Variants in IL7 observed in about 807,000 individuals in gnomAD.
IL7 encodes interleukin 7.
IL7 carries 3 observed loss-of-function variants against 21.6 expected under a neutral mutation model. The observed-to-expected ratio is 0.14, with a 90% CI of 0.06 to 0.36. The LOEUF (loss-of-function observed/expected upper bound fraction) is 0.36. Among genes scored for constraint, IL7 ranks in the 10% least tolerant of loss-of-function variants. The pLI, the probability that IL7 is intolerant of heterozygous loss-of-function variation, is 1.00. For synonymous variants in IL7, 62 were observed against 68.1 expected (o/e 0.91, Z 0.44); for missense variants, 175 against 200.2 (o/e 0.87, Z 0.76).
In IL7 at chr8:78,740,050, C is replaced by T; in HGVS notation, c.180G>A (p.Leu60=). Residue 60 remains leucine (L), a synonymous_variant, in exon 3 of 6, where the codon CTG becomes CTA. Coordinates refer to ENST00000263851, the MANE Select transcript of IL7 (RefSeq NM_000880.4). ...DSMKEIGSNC[L]NNEFNFFKRH... is the part of the protein sequence containing the mutation. ...TTTTAAAAAAGTTAAATTCATTATTCAGGCAATTGCTACCAATTTCTTTCA... is the reference window on the plus strand; with the variant it reads ...TTTTAAAAAAGTTAAATTCATTATTTAGGCAATTGCTACCAATTTCTTTCA... 2 of 1,536,628 alleles carry T rather than the reference C, an allele frequency of 1.3e-6. No homozygotes were observed. Among genetic ancestry groups the T allele is most frequent in the Non-Finnish European group, 8.7e-7 (1 of 1,144,984 alleles).
At chr8:78,676,495 T>G (rs1809583767) in intron 4 of IL7, among the ~76,000 whole-genome samples, 1 of 152,048 alleles carries the variant, frequency 6.6e-6, no homozygotes, top group African/African-American at 2.4e-5. Flanking sequence ...ATAAAAATTA[T>G]GCCTATGTAC....
chr8:78,744,141 C>T (rs747656027), intron 2 of IL7, among the ~76,000 whole-genome samples: 4 of 152,032 alleles, frequency 2.6e-5, no homozygotes, highest in East Asian at 1.9e-4. Context: ...AACGCTTCAC[C>T]GCCTGTTGGC....
intron 3 of IL7, among the ~76,000 whole-genome samples, chr8:78,704,458 A>C (rs774010598): frequency 1.1e-4 from 16 of 150,906 alleles, no homozygotes; most frequent in Non-Finnish European, 2.1e-4. Context: ...GTTTCCACTG[A>C]GAGGTCTGCT....
intron 2 of IL7, chr8:78,761,600 A>G: frequency 1.9e-6 from 3 of 1,611,960 alleles, no homozygotes; most frequent in Middle Eastern, 4.5e-4. Flanking sequence ...CAACACAGGT[A>G]GGTGCTCTTC....
chr8:78,747,915 C>T (rs907773809), intron 2 of IL7, among the ~76,000 whole-genome samples: 8 of 152,098 alleles, frequency 5.3e-5, no homozygotes, highest in Non-Finnish European at 2.9e-5. Context: ...TGAATACTTC[C>T]CGGAGAAGGA....
intron 3 of IL7, chr8:78,689,252 G>T: frequency 6.3e-7 from 1 of 1,589,248 alleles, no homozygotes; most frequent in South Asian, 1.2e-5. Flanking sequence ...TGTCAGAGGA[G>T]ATTCAATGAA....
chr8:78,789,969 G>A (rs1254802433), intron 2 of IL7, among the ~76,000 whole-genome samples: 1 of 152,122 alleles, frequency 6.6e-6, no homozygotes, highest in African/African-American at 2.4e-5. Context: ...ATATCTACTA[G>A]ATATTTGAAT....
chr8:78,713,463 CA>C (rs35677411), downstream of IL7, among the ~76,000 whole-genome samples: 8,100 of 136,318 alleles, frequency 0.059, 260 homozygotes, highest in Middle Eastern at 0.098. Context: ...ATTCTATAGC[CA>C]AAAAAAAAAA....
chr8:78,790,009 GTA>G (rs1260958381), intron 2 of IL7, among the ~76,000 whole-genome samples: 1 of 152,148 alleles, frequency 6.6e-6, no homozygotes, highest in Non-Finnish European at 1.5e-5. Context: ...TGGGAGAAAT[GTA>G]GACCTCAGGC....
intron 2 of IL7, chr8:78,760,813 T>G: frequency 1.9e-6 from 3 of 1,543,990 alleles, no homozygotes; most frequent in Admixed American, 4.0e-5. Context: ...AATTTGTGGC[T>G]TCCTCAAACC....
chr8:78,702,385 C>T (rs925794940), intron 3 of IL7, among the ~76,000 whole-genome samples: 3 of 151,878 alleles, frequency 2.0e-5, no homozygotes, highest in Non-Finnish European at 4.4e-5. Context: ...TAGCTAGCAG[C>T]CTATATATTT....
chr8:78,735,293 G>GTTTTTTTTTTTTTTTTTTTGT (rs33976248), intron 5 of IL7, among the ~76,000 whole-genome samples: 12 of 69,570 alleles, frequency 1.7e-4, no homozygotes, highest in African/African-American at 2.9e-4. Context: ...TTTTTTTTTT[G>GTTTTTTTTTTTTTTTTTTTGT]TTTTTTTTTT....
At chr8:78,735,510 A>G (rs745499397) in intron 5 of IL7, among the ~76,000 whole-genome samples, 8 of 151,874 alleles carry the variant, frequency 5.3e-5, no homozygotes, top group Non-Finnish European at 5.9e-5. Flanking sequence ...GGGTTTCACC[A>G]TGTTGGCCAG....
chr8:78,772,137 G>A (rs1461897574), intron 2 of IL7, among the ~76,000 whole-genome samples: 1 of 152,092 alleles, frequency 6.6e-6, no homozygotes, highest in Admixed American at 6.6e-5. Flanking sequence ...AAAAACTAAT[G>A]ATTGGCAGGG....
At chr8:78,804,047 C>T (rs1814195338) in intron 1 of IL7, among the ~76,000 whole-genome samples, 1 of 152,100 alleles carries the variant, frequency 6.6e-6, no homozygotes, top group East Asian at 1.9e-4. Flanking sequence ...ATCTTTTCCC[C>T]TCACAATCCT....
chr8:78,753,591 T>G (rs1812248067), intron 2 of IL7, among the ~76,000 whole-genome samples: 1 of 152,212 alleles, frequency 6.6e-6, no homozygotes, highest in Non-Finnish European at 1.5e-5. Context: ...TAGATACCAT[T>G]TGTCAATTTG....
rs187917085 is a variant in IL7, at chr8:78,750,667, C to A, written c.148-10585G>T. Among the ~76,000 whole-genome samples the A allele has an allele frequency of 1.8e-4, 27 of 152,022 alleles. No individual in the cohort carries two copies. The East Asian group carries it at 5.3e-3, about 30-fold the overall frequency. ...TGAAACCCCGTCTCTACTAAAAATA[C>A]CAAAAAATTAGCTGGACATGGTGGC... On this transcript the variant is annotated intron_variant, in intron 2 of 5. Transcript: ENST00000263851.
At chr8:78,797,811 G>T in intron 2 of IL7, 1 of 286,600 alleles carries the variant, frequency 3.5e-6, no homozygotes, top group East Asian at 6.3e-5. Context: ...ACTGAATTAT[G>T]CTTACAAGAA....
chr8:78,735,924 A>G (rs1341422265), intron 5 of IL7, among the ~76,000 whole-genome samples: 1 of 151,944 alleles, frequency 6.6e-6, no homozygotes, highest in African/African-American at 2.4e-5. Flanking sequence ...CCATTTAAGT[A>G]TTCTGCCTTA....
Sources: gnomAD v4.1 joint callset for allele counts (sites outside exome capture counted in the v4.1 genomes callset) on GRCh38, gnomAD v4.1.1 for gene constraint, MANE v1.5 for transcripts, NCBI Gene and HGNC (gene_info 2026-07-23, HGNC 2026-07-21) for gene names.